The following TRIM44 variants were observed in gnomAD, a reference collection of about 807,000 sequenced individuals.
TRIM44 encodes tripartite motif-containing protein 44.
A neutral mutation model predicts 37.4 loss-of-function variants in TRIM44; 13 were observed. The ratio of observed to expected loss-of-function variants is 0.35; its 90% confidence interval spans 0.23 to 0.55. TRIM44 has a LOEUF of 0.55. TRIM44 is among the 20% of genes least tolerant of loss of function. The pLI is 0.89. For missense variants in TRIM44, 426 were observed against 437.2 expected (o/e 0.97, Z 0.23); for synonymous variants, 175 against 157.2 (o/e 1.11, Z -0.85).
rs137866618 is a variant in TRIM44 at position 35,741,626 on chromosome 11, C to A, written c.1007+6181C>A. The stretch of plus-strand genomic sequence containing the variant: ...CCACTTTGCATGCTATGGTTTAACT[C>A]TAATCAATTTGTTTGCCATCCGGTA... On this transcript the variant is annotated intron_variant, in intron 4 of 4. Coordinates refer to ENST00000299413, the MANE Select transcript of TRIM44 (RefSeq NM_017583.6). Among the ~76,000 whole-genome samples the A allele has an allele frequency of 1.9e-3, 282 of 152,304 alleles. 3 individuals are homozygous for A. The highest frequency in any genetic ancestry group is 6.5e-3 in the African/African-American group (271 of 41,558).
At chr11:35,784,178 A>G (rs918006445) in intron 4 of TRIM44, among the ~76,000 whole-genome samples, 2 of 152,196 alleles carry the variant, frequency 1.3e-5, no homozygotes, top group Admixed American at 1.3e-4. Flanking sequence ...CTATCCAAGA[A>G]ATGACCTCTC....
At chr11:35,737,083 G>A (rs1852335867) in intron 4 of TRIM44, among the ~76,000 whole-genome samples, 1 of 152,120 alleles carries the variant, frequency 6.6e-6, no homozygotes, top group Admixed American at 6.5e-5. Flanking sequence ...AGTCTTGGAG[G>A]ATAAGGGGAG....
chr11:35,792,618 G>A (rs559008836), intron 4 of TRIM44, among the ~76,000 whole-genome samples: 24 of 152,332 alleles, frequency 1.6e-4, no homozygotes, highest in South Asian at 1.2e-3. Flanking sequence ...GCCAAAGCAA[G>A]TTATGAGAGC....
chr11:35,725,435 G>A (rs749851279), intron 2 of TRIM44, among the ~76,000 whole-genome samples: 57 of 152,230 alleles, frequency 3.7e-4, no homozygotes, highest in Non-Finnish European at 7.2e-4. Context: ...CTTGGTTCAA[G>A]CAATTCTCCT....
intron 4 of TRIM44, among the ~76,000 whole-genome samples, chr11:35,752,240 AC>A (rs534911456): frequency 3.8e-3 from 575 of 151,416 alleles, no homozygotes; most frequent in Non-Finnish European, 6.9e-3. Context: ...GCTTCACACC[AC>A]CTCTACCTCA....
At chr11:35,687,584 A>C (rs756344975) in intron 2 of TRIM44, among the ~76,000 whole-genome samples, 2 of 152,230 alleles carry the variant, frequency 1.3e-5, no homozygotes, top group Non-Finnish European at 2.9e-5. Flanking sequence ...TGCAGTGAAG[A>C]GGGAGCGGAT....
At position 35,784,112 on chromosome 11, in the gene TRIM44, C is replaced by T. The variant is rs115932620; in HGVS notation, c.1008-22246C>T. 3.5e-3 allele frequency among the ~76,000 whole-genome samples: 535 copies of T among 152,196 alleles called. 6 individuals are homozygous for T. The highest frequency in any genetic ancestry group is 0.012 in the African/African-American group (499 of 41,528). ...CTTTATGGCAAGTGTTGGTTCATGACGTAGAAGATAATAGTCAAAGACTCT... is the reference window on the plus strand; with the variant it reads ...CTTTATGGCAAGTGTTGGTTCATGATGTAGAAGATAATAGTCAAAGACTCT... On this transcript the variant is annotated intron_variant, in intron 4 of 4. Transcript: ENST00000299413.
chr11:35,786,787 G>T (rs1055481008), intron 4 of TRIM44, among the ~76,000 whole-genome samples: 1 of 151,898 alleles, frequency 6.6e-6, no homozygotes, highest in African/African-American at 2.4e-5. Flanking sequence ...TTAGCGAAAG[G>T]TTTCCCAGGC....
chr11:35,662,875 G>C lies in TRIM44; in HGVS notation c.-237G>C. The C allele has an allele frequency of 1.8e-6, 1 of 549,176 alleles. No individual in the cohort carries two copies. Among genetic ancestry groups the C allele is most frequent in the Non-Finnish European group, 2.6e-6 (1 of 378,106 alleles). 34.0% of individuals were successfully genotyped at this position (549,176 alleles called of 1,614,324 possible). ...GGTGGCCGCGCCGGAAGTGCCTTGCGCGGCAGAGGAAGCGCAGGGACAGAG... is the reference window on the plus strand; with the variant it reads ...GGTGGCCGCGCCGGAAGTGCCTTGCCCGGCAGAGGAAGCGCAGGGACAGAG... On this transcript the variant is annotated 5_prime_UTR_variant, in exon 1 of 5. Coordinates refer to ENST00000299413, the MANE Select transcript of TRIM44 (RefSeq NM_017583.6).
At chr11:35,729,878 G>A (rs114344955) in intron 3 of TRIM44, among the ~76,000 whole-genome samples, 1,631 of 152,272 alleles carry the variant, frequency 0.011, 35 homozygotes, top group African/African-American at 0.037. Flanking sequence ...CTGTAAGCCC[G>A]AGGCAAGAGG....
At chr11:35,780,105 A>G (rs942386827) in intron 4 of TRIM44, among the ~76,000 whole-genome samples, 2 of 151,994 alleles carry the variant, frequency 1.3e-5, no homozygotes, top group Non-Finnish European at 2.9e-5. Context: ...TTTTGGTTAT[A>G]TACTAATTTT....
intron 4 of TRIM44, among the ~76,000 whole-genome samples, chr11:35,780,122 GTT>G (rs888977605): frequency 3.3e-5 from 5 of 151,286 alleles, no homozygotes; most frequent in Non-Finnish European, 4.4e-5. Flanking sequence ...TTTTAGAATA[GTT>G]TTTTTTTAAA....
At chr11:35,717,043 T>A (rs924989517) in intron 2 of TRIM44, among the ~76,000 whole-genome samples, 3 of 152,192 alleles carry the variant, frequency 2.0e-5, no homozygotes, top group African/African-American at 7.2e-5. Flanking sequence ...AGGGTTCAGT[T>A]TGACGCCTGA....
intron 3 of TRIM44, among the ~76,000 whole-genome samples, chr11:35,727,881 A>G (rs1466827113): frequency 6.6e-6 from 1 of 152,194 alleles, no homozygotes. Flanking sequence ...TACCTTTACA[A>G]TGTCAAGATG....
chr11:35,759,066 G>GT (rs1253122469), intron 4 of TRIM44, among the ~76,000 whole-genome samples: 6 of 152,308 alleles, frequency 3.9e-5, no homozygotes, highest in South Asian at 2.1e-4. Context: ...GATTGGGGAA[G>GT]TTCTCCTGGA....
At chr11:35,685,460 C>T in intron 2 of TRIM44, 124 bp downstream of exon 2, 2 of 770,114 alleles carry the variant, frequency 2.6e-6, no homozygotes, top group Admixed American at 2.5e-5. Context: ...TTAAGCCTGC[C>T]CATCAGAAAC....
intron 4 of TRIM44, among the ~76,000 whole-genome samples, chr11:35,781,185 G>A (rs1853061080): frequency 1.3e-5 from 2 of 151,924 alleles, no homozygotes; most frequent in Admixed American, 1.3e-4. Flanking sequence ...TGAACATGGG[G>A]AATGTTATAG....
intron 2 of TRIM44, among the ~76,000 whole-genome samples, chr11:35,720,806 T>G (rs1042700377): frequency 1.3e-5 from 2 of 152,330 alleles, no homozygotes; most frequent in Non-Finnish European, 2.9e-5. Flanking sequence ...TTTTTCCTCT[T>G]TAGCCTGTTG....
intron 4 of TRIM44, among the ~76,000 whole-genome samples, chr11:35,805,358 AGT>A (rs942214773): frequency 2.0e-5 from 3 of 152,134 alleles, no homozygotes; most frequent in African/African-American, 7.2e-5. Context: ...TGCTTTTCTG[AGT>A]GTGCTCATTC....
Sources: allele counts gnomAD v4.1 joint callset (sites outside exome capture counted in the v4.1 genomes callset), GRCh38; gene constraint gnomAD v4.1.1; transcripts MANE v1.5; gene names NCBI Gene and HGNC (gene_info 2026-07-23, HGNC 2026-07-21).